Variants in SLC24A3 observed in about 807,000 individuals in gnomAD.
The protein encoded by SLC24A3 is solute carrier family 24 member 3.
Under a neutral mutation model 75.8 loss-of-function variants are expected in SLC24A3, and 28 were observed. That is an observed-to-expected ratio of 0.37 (90% CI 0.27 to 0.51). SLC24A3 has a LOEUF of 0.51. Among genes scored for constraint, SLC24A3 ranks in the 20% least tolerant of loss-of-function variants. The pLI is 0.94. For missense variants in SLC24A3, 663 were observed against 847.8 expected, an observed-to-expected ratio of 0.78 and a Z score of 2.71; for synonymous variants, 372 against 334.1, an observed-to-expected ratio of 1.11 and a Z score of -1.24.
chr20:19,618,029 TCTC>T (rs1396748928), intron 6 of SLC24A3, among the ~76,000 whole-genome samples: 5 of 152,086 alleles, frequency 3.3e-5, no homozygotes, highest in East Asian at 3.9e-4. Context: ...TAAATTGACT[TCTC>T]CTCCTAGCAT....
chr20:19,718,351 A>G (rs1169113061), intron 16 of SLC24A3, among the ~76,000 whole-genome samples: 4 of 152,230 alleles, frequency 2.6e-5, no homozygotes, highest in Non-Finnish European at 5.9e-5. Context: ...GCAAATCGAC[A>G]TCATTCATGC....
chr20:19,265,189 C>A (rs1349520105), intron 1 of SLC24A3, among the ~76,000 whole-genome samples: 3 of 152,198 alleles, frequency 2.0e-5, no homozygotes, highest in Admixed American at 2.0e-4. Flanking sequence ...CCCAGGCTAG[C>A]CAGGTATTTT....
intron 16 of SLC24A3, among the ~76,000 whole-genome samples, chr20:19,719,834 A>T (rs2033084753): frequency 6.6e-6 from 1 of 152,158 alleles, no homozygotes; most frequent in South Asian, 2.1e-4. Context: ...GAGGCCAGGG[A>T]ATCAGGGTGG....
In SLC24A3 at chr20:19,622,675, T is replaced by C. The variant is rs1044569555; in HGVS notation, c.613-31387T>C. Among the ~76,000 whole-genome samples the C allele has an allele frequency of 3.9e-5, 6 of 152,194 alleles. No homozygotes were observed. In the East Asian group the frequency reaches 1.2e-3, roughly 29 times the overall value. On this transcript the variant is annotated intron_variant, in intron 6 of 16. Coordinates refer to ENST00000328041, the MANE Select transcript of SLC24A3 (RefSeq NM_020689.4). Reference sequence around the variant, plus strand: ...TAAATTATTTTCCAACCCTGGAGCATACAGGTGAGTTCAGATGAGTTCAGT... The same window carrying C: ...TAAATTATTTTCCAACCCTGGAGCACACAGGTGAGTTCAGATGAGTTCAGT...
chr20:19,362,979 G>A (rs1238593737), intron 2 of SLC24A3, among the ~76,000 whole-genome samples: 1 of 152,198 alleles, frequency 6.6e-6, no homozygotes, highest in Non-Finnish European at 1.5e-5. Flanking sequence ...TAAGTATTTG[G>A]GCTTCCCATG....
intron 1 of SLC24A3, among the ~76,000 whole-genome samples, chr20:19,219,275 C>T (rs1294332209): frequency 1.3e-5 from 2 of 152,122 alleles, no homozygotes; most frequent in African/African-American, 4.8e-5. Flanking sequence ...TTTCCCAGCC[C>T]TACTCTTACC....
intron 15 of SLC24A3, 85 bp downstream of exon 15, chr20:19,698,765 C>A: frequency 1.9e-6 from 2 of 1,055,040 alleles, no homozygotes; most frequent in Non-Finnish European, 2.8e-6. Flanking sequence ...GTCTTTGTCT[C>A]GGGGAAAAAG....
At chr20:19,290,088 C>T (rs542880017) in intron 2 of SLC24A3, among the ~76,000 whole-genome samples, 28 of 152,326 alleles carry the variant, frequency 1.8e-4, no homozygotes, top group South Asian at 8.3e-4. Context: ...GTTACAAATG[C>T]TCATCCTTGA....
At chr20:19,649,848 A>G (rs886496002) in intron 6 of SLC24A3, among the ~76,000 whole-genome samples, 1 of 152,224 alleles carries the variant, frequency 6.6e-6, no homozygotes, top group African/African-American at 2.4e-5. Context: ...GGTATTACCA[A>G]CCTGGCTTAG....
At position 19,709,363 on chromosome 20, in the gene SLC24A3, C is replaced by A. The variant is rs569190523; in HGVS notation, c.1720-8165C>A. On this transcript the variant is annotated intron_variant, in intron 15 of 16. Transcript: ENST00000328041. Reference sequence around the variant, plus strand: ...GGAGATGGGGGGATGTGGGTGAGTACTGCTGGCAGCTGCTGCAGGGGCATC... The same window carrying A: ...GGAGATGGGGGGATGTGGGTGAGTAATGCTGGCAGCTGCTGCAGGGGCATC... Among the ~76,000 whole-genome samples, 12 of 152,250 alleles carry A rather than the reference C, an allele frequency of 7.9e-5. No individual in the cohort carries two copies. In the East Asian group the frequency reaches 2.3e-3, roughly 29 times the overall value.
chr20:19,671,151 C>A (rs1247438566), intron 8 of SLC24A3, among the ~76,000 whole-genome samples: 1 of 152,092 alleles, frequency 6.6e-6, no homozygotes, highest in Non-Finnish European at 1.5e-5. Context: ...TATTTAAAAG[C>A]TGGTATCTGC....
chr20:19,558,295 G>A (rs2030821734), intron 3 of SLC24A3, among the ~76,000 whole-genome samples: 1 of 152,062 alleles, frequency 6.6e-6, no homozygotes, highest in Admixed American at 6.6e-5. Flanking sequence ...AGGCTGGGGT[G>A]CAGTGGTGTA....
chr20:19,513,412 C>T (rs1303324079), intron 2 of SLC24A3, among the ~76,000 whole-genome samples: 2 of 152,214 alleles, frequency 1.3e-5, no homozygotes, highest in African/African-American at 4.8e-5. Context: ...AAGATGGGAT[C>T]ACAGGGGCAA....
chr20:19,401,477 T>A (rs1333494863), intron 2 of SLC24A3, among the ~76,000 whole-genome samples: 3 of 152,212 alleles, frequency 2.0e-5, no homozygotes, highest in Admixed American at 6.5e-5. Context: ...AATCAACAAA[T>A]GTTTCCAGAA....
At chr20:19,445,226 G>A (rs1185614902) in intron 2 of SLC24A3, among the ~76,000 whole-genome samples, 2 of 152,052 alleles carry the variant, frequency 1.3e-5, no homozygotes, top group Non-Finnish European at 2.9e-5. Flanking sequence ...TATAACCACT[G>A]GCTTGAAGTT....
intron 2 of SLC24A3, among the ~76,000 whole-genome samples, chr20:19,466,556 G>A (rs1264095952): frequency 6.6e-6 from 1 of 152,194 alleles, no homozygotes; most frequent in African/African-American, 2.4e-5. Context: ...TAAAATATGT[G>A]CATTCGCTGA....
At chr20:19,335,344 G>A (rs944623726) in intron 2 of SLC24A3, among the ~76,000 whole-genome samples, 1 of 152,298 alleles carries the variant, frequency 6.6e-6, no homozygotes, top group Non-Finnish European at 1.5e-5. Context: ...TTAGCCCACA[G>A]ATAGGACTTT....
intron 2 of SLC24A3, among the ~76,000 whole-genome samples, chr20:19,508,266 A>G (rs1029130225): frequency 2.0e-5 from 3 of 152,206 alleles, no homozygotes; most frequent in Non-Finnish European, 4.4e-5. Context: ...CCAGACTGCC[A>G]TCCTTCGGTG....
intron 2 of SLC24A3, among the ~76,000 whole-genome samples, chr20:19,464,925 C>A (rs1453910425): frequency 1.3e-5 from 2 of 152,244 alleles, no homozygotes; most frequent in Non-Finnish European, 2.9e-5. Context: ...AGGCTGACAG[C>A]AGCGCTGTCC....
Sources: gnomAD v4.1 joint callset for allele counts (sites outside exome capture counted in the v4.1 genomes callset) on GRCh38, gnomAD v4.1.1 for gene constraint, MANE v1.5 for transcripts, NCBI Gene and HGNC (gene_info 2026-07-23, HGNC 2026-07-21) for gene names.